The following KLKB1 variants were observed in gnomAD, a reference collection of about 807,000 sequenced individuals.
The protein encoded by KLKB1 is kallikrein B1.
A neutral mutation model predicts 73.6 loss-of-function variants in KLKB1; 58 were observed. The observed-to-expected ratio is 0.79, with a 90% CI of 0.64 to 0.98. KLKB1 has a LOEUF of 0.98. KLKB1 is among the 50% of genes least tolerant of loss of function. KLKB1 has a pLI of 0.00. For missense variants in KLKB1, 737 were observed against 763.8 expected (o/e 0.96, Z 0.41); for synonymous variants, 280 against 258.1 (o/e 1.08, Z -0.81).
chr4:186,248,595 A>ATTT (rs138717531), intron 6 of KLKB1, among the ~76,000 whole-genome samples: 13,136 of 114,496 alleles, frequency 0.11, 965 homozygotes, highest in South Asian at 0.2. Context: ...TTGTTTCTGG[A>ATTT]TTTTTTTTTT....
At chr4:186,254,148 A>G (rs1196273678) in intron 11 of KLKB1, among the ~76,000 whole-genome samples, 3 of 152,182 alleles carry the variant, frequency 2.0e-5, no homozygotes, top group Non-Finnish European at 1.5e-5. Flanking sequence ...GAGATATTTT[A>G]AACAACACTA....
intron 6 of KLKB1, among the ~76,000 whole-genome samples, chr4:186,240,572 C>T (rs1193583482): frequency 6.6e-6 from 1 of 152,154 alleles, no homozygotes; most frequent in Non-Finnish European, 1.5e-5. Context: ...ATGTTAATGA[C>T]AAGATGTTAC....
rs138872241 is a variant in KLKB1, at chr4:186,258,106, G to A, written c.1811G>A (p.Arg604His). The change falls in exon 15 of 15, where the codon CGC becomes CAC. Residue 604 changes from arginine to histidine, a missense_variant. Physicochemically the swap from Arg to His is conservative, Grantham distance 29 (BLOSUM62 0). Coordinates refer to ENST00000264690, the MANE Select transcript of KLKB1 (RefSeq NM_000892.5). ...ACCAGCTGGGGTGAAGGCTGTGCCC[G>A]CAGGGAGCAACCTGGTGTCTACACC... ...GITSWGEGCA[R>H]REQPGVYTKV... 4.3e-6 allele frequency: 7 copies of A among 1,614,094 alleles called. No individual in the cohort carries two copies. The highest frequency in any genetic ancestry group is 2.2e-5 in the East Asian group (1 of 44,884).
At chr4:186,247,986 G>A (rs922717310) in intron 6 of KLKB1, among the ~76,000 whole-genome samples, 5 of 152,152 alleles carry the variant, frequency 3.3e-5, no homozygotes, top group East Asian at 1.9e-4. Context: ...GGTGGCTCAC[G>A]CCTGTAATCC....
At chr4:186,233,669 T>C (rs943480277) in intron 3 of KLKB1, among the ~76,000 whole-genome samples, 6 of 152,204 alleles carry the variant, frequency 3.9e-5, no homozygotes, top group African/African-American at 1.4e-4. Flanking sequence ...ATTGAGAACA[T>C]AGTTGCCTGA....
intron 6 of KLKB1, among the ~76,000 whole-genome samples, 184 bp from the exon 7 acceptor site, chr4:186,250,059 C>A (rs902361799): frequency 3.3e-5 from 5 of 152,148 alleles, no homozygotes; most frequent in Non-Finnish European, 7.3e-5. Flanking sequence ...TAGAGTTAGA[C>A]CAATTTTGCC....
chr4:186,233,120 G>A (rs1737485227), intron 3 of KLKB1, among the ~76,000 whole-genome samples: 1 of 146,210 alleles, frequency 6.8e-6, no homozygotes, highest in Non-Finnish European at 1.5e-5. Context: ...TCACCACATT[G>A]GCCAGGCTGG....
chr4:186,253,330 T>C (rs936609806), intron 11 of KLKB1, among the ~76,000 whole-genome samples: 6 of 152,212 alleles, frequency 3.9e-5, no homozygotes, highest in African/African-American at 1.4e-4. Context: ...TATACTAGGA[T>C]TGAACATACT....
rs3765032 is a variant in KLKB1, at chr4:186,227,751, T to C, written c.-2+164T>C. Among the ~76,000 whole-genome samples, 4 of 152,338 alleles carry C rather than the reference T, an allele frequency of 2.6e-5. No homozygotes were observed. In the East Asian group the frequency reaches 7.7e-4, roughly 29 times the overall value. On this transcript the variant is annotated intron_variant, in intron 1 of 14. Coordinates refer to ENST00000264690, the MANE Select transcript of KLKB1 (RefSeq NM_000892.5). ...AGAAATATTTAAATGTAAGATGATT[T>C]TAAATCAGAAAGAATATTTGATTGA...
chr4:186,227,190 A>C (rs758980506), upstream of KLKB1, among the ~76,000 whole-genome samples: 2 of 152,026 alleles, frequency 1.3e-5, no homozygotes, highest in South Asian at 2.1e-4. Context: ...CTTCCTATAC[A>C]CTTCTATGTG....
chr4:186,258,018 CAG>C lies in KLKB1; in HGVS notation c.1726-2_1726-1del. 4 of 1,613,646 alleles carry C rather than the reference CAG, an allele frequency of 2.5e-6. No homozygotes were observed. Among genetic ancestry groups the C allele is most frequent in the Non-Finnish European group, 3.4e-6 (4 of 1,179,572 alleles). ...ACTATTTTATTTTTCCACTGTGACT[CAG>C]GGAGATTCAGGTGGTCCCTTAGTTT... On this transcript the variant is annotated splice_acceptor_variant, in intron 14 of 14. Transcript: ENST00000264690. LOFTEE classifies it high-confidence loss of function.
chr4:186,227,814 T>G (rs1403425536), intron 1 of KLKB1, among the ~76,000 whole-genome samples: 1 of 152,112 alleles, frequency 6.6e-6, no homozygotes, highest in Non-Finnish European at 1.5e-5. Context: ...TTTTCAGAGG[T>G]TTTCTTTACT....
chr4:186,248,271 T>A (rs76582157), intron 6 of KLKB1, among the ~76,000 whole-genome samples: 142 of 142,978 alleles, frequency 9.9e-4, no homozygotes, highest in African/African-American at 2.1e-3. Context: ...AAAAATAAAA[T>A]AAAAAAAAAA....
intron 2 of KLKB1, among the ~76,000 whole-genome samples, chr4:186,220,857 CA>C (rs34970894): frequency 0.56 from 85,116 of 151,940 alleles, 24,200 homozygotes; most frequent in East Asian, 0.68. Flanking sequence ...TCCTCCTTTT[CA>C]ATTATTTGAA....
At position 186,258,332 on chromosome 4, in the gene KLKB1, A is replaced by G. The variant is rs3087505; in HGVS notation, c.*120A>G. ...TCTTCTTTGCATCCTAAGGACGAAAAACACAGTGCACTCAGAGCTGCTGAG... is the reference window on the plus strand; with the variant it reads ...TCTTCTTTGCATCCTAAGGACGAAAGACACAGTGCACTCAGAGCTGCTGAG... On this transcript the variant is annotated 3_prime_UTR_variant, in exon 15 of 15. Transcript: ENST00000264690. The G allele has an allele frequency of 0.9, 810,377 of 903,306 alleles. 363,722 individuals carry two copies. The highest frequency in any genetic ancestry group is 0.94 in the East Asian group (35,662 of 37,990). 56.0% of individuals were successfully genotyped at this position (903,306 alleles called of 1,614,324 possible). A position where few individuals can be genotyped will look rare whatever the true frequency, so the allele number is the denominator to read the frequency against.
At chr4:186,253,617 G>T (rs369005365) in intron 11 of KLKB1, among the ~76,000 whole-genome samples, 1 of 142,568 alleles carries the variant, frequency 7.0e-6, no homozygotes, top group Non-Finnish European at 1.5e-5. Context: ...ATAAAAAAAG[G>T]CCCCTTTGCA....
At chr4:186,222,469 A>G (rs570128636), upstream of KLKB1, among the ~76,000 whole-genome samples, 15 of 152,316 alleles carry the variant, frequency 9.8e-5, no homozygotes, top group East Asian at 2.1e-3. Flanking sequence ...GTTTACATAA[A>G]ATATTTCATA....
In KLKB1 at chr4:186,252,113, C is replaced by T; in HGVS notation, c.1241C>T (p.Ala414Val). The change falls in exon 11 of 15, where the codon GCT becomes GTT. Residue 414 changes from alanine to valine, a missense_variant. Physicochemically the swap from Ala to Val is moderately conservative, Grantham distance 64. Transcript: ENST00000264690. ...GTGAGCCTGCAGGTGAAGCTGACAG[C>T]TCAGAGGCACCTGTGTGGAGGGTCA... ...WQVSLQVKLT[A>V]QRHLCGGSLI... 1 of 1,614,016 alleles carries T rather than the reference C, an allele frequency of 6.2e-7. No individual in the cohort carries two copies. Among genetic ancestry groups the T allele is most frequent in the South Asian group, 1.1e-5 (1 of 91,086 alleles).
chr4:186,251,424 T>C lies in KLKB1; in HGVS notation c.869-63T>C, dbSNP rs966107847. On this transcript the variant is annotated intron_variant, in intron 8 of 14. Transcript: ENST00000264690. Reference sequence around the variant, plus strand: ...AAACAATCCTCAAGGTAACAGAAACTTGTGTAAATGTCGTTCATTGCTTTT... The same window carrying C: ...AAACAATCCTCAAGGTAACAGAAACCTGTGTAAATGTCGTTCATTGCTTTT... 11 of 1,560,512 alleles carry C rather than the reference T, an allele frequency of 7.0e-6. No homozygotes were observed. In the Admixed American group the frequency reaches 1.8e-4, roughly 26 times the overall value.
Sources: allele counts gnomAD v4.1 joint callset (sites outside exome capture counted in the v4.1 genomes callset), GRCh38; gene constraint gnomAD v4.1.1; transcripts MANE v1.5; gene names NCBI Gene and HGNC (gene_info 2026-07-23, HGNC 2026-07-21).